Variants in MAPK8IP3 observed in about 807,000 individuals in gnomAD.
The protein encoded by MAPK8IP3 is C-Jun-amino-terminal kinase-interacting protein 3.
MAPK8IP3 carries 49 observed loss-of-function variants against 157.8 expected under a neutral mutation model. The ratio of observed to expected loss-of-function variants is 0.31; its 90% CI spans 0.25 to 0.39. MAPK8IP3 has a LOEUF of 0.39. MAPK8IP3 is among the 10% of genes least tolerant of loss of function. The probability of loss-of-function intolerance (pLI) is 1.00; values close to 1 mark genes in which losing one functional copy is unlikely to be tolerated. For synonymous variants in MAPK8IP3, 897 were observed against 777.7 expected (o/e 1.15, Z -2.55); for missense variants, 1,478 against 1,889.4 (o/e 0.78, Z 4.04).
intron 4 of MAPK8IP3, among the ~76,000 whole-genome samples, chr16:1,736,651 C>T (rs1301564459): frequency 3.2e-5 from 2 of 61,858 alleles, no homozygotes; most frequent in Non-Finnish European, 5.9e-5. Context: ...TGTGACCGTC[C>T]GTGTGAGCGT....
Position 1,760,414 on chromosome 16 carries a change from G to A in MAPK8IP3, c.1339G>A (p.Ala447Thr). ...ALNVVKNDLI[A>T]KVDQLSGEQE... ...GAATGTGGTGAAGAATGACCTGATT[G>A]CCAAGGTCGACCAGCTGTCCGGGGA... Residue 447 changes from alanine (A) to threonine (T), a missense_variant, in exon 12 of 32, where the codon GCC becomes ACC. Coordinates refer to ENST00000610761, the MANE Select transcript of MAPK8IP3 (RefSeq NM_001318852.2). 1.9e-6 allele frequency: 3 copies of A among 1,613,778 alleles called. No homozygotes were observed. The highest frequency in any genetic ancestry group is 2.5e-6 in the Non-Finnish European group (3 of 1,179,808).
rs187944990 is a variant in MAPK8IP3, at chr16:1,743,637, C to A, written c.747+161C>A. The A allele has an allele frequency of 6.9e-7, 1 of 1,443,592 alleles. No individual in the cohort carries two copies. Among genetic ancestry groups the A allele is most frequent in the African/African-American group, 1.5e-5 (1 of 68,228 alleles). The allele number at this position is 1,443,592 out of a possible 1,614,324, so 89.4% of individuals were successfully genotyped here. ...GGATGGAGAAACCCAGCCAGGGTGTCAGGGGCTCAGGCTGCCCAGCAGGCC... is the reference window on the plus strand; with the variant it reads ...GGATGGAGAAACCCAGCCAGGGTGTAAGGGGCTCAGGCTGCCCAGCAGGCC... On this transcript the variant is annotated intron_variant, in intron 5 of 31. Coordinates refer to ENST00000610761, the MANE Select transcript of MAPK8IP3 (RefSeq NM_001318852.2). The surrounding 1 kb of genome is among the most constrained non-coding windows in gnomAD (Gnocchi z 5.6).
At chr16:1,744,322 G>A in intron 5 of MAPK8IP3, 3 of 985,904 alleles carry the variant, frequency 3.0e-6, no homozygotes, top group Non-Finnish European at 2.4e-6. Flanking sequence ...GTGGATGTGG[G>A]GCCTGGGACT....
intron 4 of MAPK8IP3, among the ~76,000 whole-genome samples, chr16:1,740,052 G>C (rs2040553499): frequency 8.3e-6 from 1 of 119,866 alleles, no homozygotes; most frequent in African/African-American, 3.7e-5. Context: ...GTGAGCATCC[G>C]TGTGACTGTC....
Position 1,710,300 on chromosome 16 carries a change from T to TAAAGAAAAAAA in MAPK8IP3, c.318+3657_318+3667dup, listed in dbSNP as rs1017668464. Among the ~76,000 whole-genome samples the TAAAGAAAAAAA allele has an allele frequency of 2.0e-5, 3 of 149,706 alleles. No individual in the cohort carries two copies. The highest frequency in any genetic ancestry group is 4.4e-5 in the Non-Finnish European group (3 of 67,574). On this transcript the variant is annotated intron_variant, in intron 1 of 31. Coordinates refer to ENST00000610761, the MANE Select transcript of MAPK8IP3 (RefSeq NM_001318852.2). The surrounding 1 kb of genome is among the most constrained non-coding windows in gnomAD (Gnocchi z 4.1). ...GAACCTGGCGAAACCCTGTCTCTAC[T>TAAAGAAAAAAA]AAAGAAAAAAAAAAGAAAAAAAAAT...
At chr16:1,731,701 C>T (rs2039327748) in intron 4 of MAPK8IP3, among the ~76,000 whole-genome samples, 3 of 152,220 alleles carry the variant, frequency 2.0e-5, no homozygotes, top group Admixed American at 1.3e-4. Flanking sequence ...CCTATATTTC[C>T]AACCTCCTTT....
rs762990993 is a variant in MAPK8IP3, at chr16:1,748,323, C to G, written c.1074C>G (p.Thr358=). 52 of 1,613,662 alleles carry G rather than the reference C, an allele frequency of 3.2e-5. No homozygotes were observed. Among genetic ancestry groups the G allele is most frequent in the Non-Finnish European group, 4.0e-5 (47 of 1,179,972 alleles). The part of the protein sequence containing the change: ...STPELDMCPE[T]RLDRTGSSPT... ...CAGAGCTGGACATGTGTCCAGAGAC[C>G]CGCCTGGACCGCACAGGAAGCAGGT... Residue 358 remains threonine (T), a synonymous_variant, in exon 7 of 32, where the codon ACC becomes ACG. Coordinates refer to ENST00000610761, the MANE Select transcript of MAPK8IP3 (RefSeq NM_001318852.2).
At chr16:1,739,579 ACCGT>A (rs1167425305) in intron 4 of MAPK8IP3, among the ~76,000 whole-genome samples, 8 of 38,884 alleles carry the variant, frequency 2.1e-4, no homozygotes, top group Admixed American at 3.5e-4. Context: ...TGTGTGTGTG[ACCGT>A]CCGTGTGTGA....
At chr16:1,714,534 C>T (rs940703484) in intron 1 of MAPK8IP3, among the ~76,000 whole-genome samples, 2 of 152,296 alleles carry the variant, frequency 1.3e-5, no homozygotes, top group South Asian at 2.1e-4. Flanking sequence ...TATCAACAAC[C>T]AGATTCAAAA....
At position 1,746,824 on chromosome 16, in the gene MAPK8IP3, C is replaced by T. The variant is rs182947068; in HGVS notation, c.748-205C>T. The T allele has an allele frequency of 4.2e-3, 2,539 of 609,796 alleles. 90 individuals carry two copies. In the Admixed American group the frequency reaches 0.064, roughly 15 times the overall value. The allele number at this position is 609,796 out of a possible 1,614,324, so 37.8% of individuals were successfully genotyped here. A position where few individuals can be genotyped will look rare whatever the true frequency, so the allele number is the denominator to read the frequency against. ...GGCCCTGCTTCCGAGGAGCCGGAGT[C>T]AGTGGCCGGATAAGCAGAGCCACTC... is the stretch of plus-strand genomic sequence containing the variant. On this transcript the variant is annotated intron_variant, in intron 5 of 31. Transcript: ENST00000610761.
intron 10 of MAPK8IP3, among the ~76,000 whole-genome samples, chr16:1,759,204 C>T (rs1001478107): frequency 2.0e-5 from 3 of 152,148 alleles, no homozygotes; most frequent in Admixed American, 6.5e-5. Flanking sequence ...CTTGAAGGCC[C>T]GAGGAGGGCA....
chr16:1,738,699 G>A (rs2040303015), intron 4 of MAPK8IP3, among the ~76,000 whole-genome samples: 1 of 130,572 alleles, frequency 7.7e-6, no homozygotes, highest in East Asian at 2.6e-4. Context: ...TAGCATCCAT[G>A]TGAGCGTGTG....
At chr16:1,714,408 C>T (rs546662525) in intron 1 of MAPK8IP3, among the ~76,000 whole-genome samples, 1 of 145,976 alleles carries the variant, frequency 6.9e-6, no homozygotes, top group African/African-American at 2.8e-5. Context: ...TTTTGAGCCA[C>T]TGTTACGGCA....
In MAPK8IP3 at chr16:1,768,990, C is replaced by A; in HGVS notation, c.*166C>A. ...CCAGCGGGCAGGGAGTGCGGGGATG[C>A]GGATCAGCTGGGAGGAGGAGGGGAG... On this transcript the variant is annotated 3_prime_UTR_variant, in exon 32 of 32. Transcript: ENST00000610761. 2.6e-6 allele frequency: 2 copies of A among 757,286 alleles called. No homozygotes were observed. Among genetic ancestry groups the A allele is most frequent in the Non-Finnish European group, 4.2e-6 (2 of 474,594 alleles). The allele number at this position is 757,286 out of a possible 1,614,324, so 46.9% of individuals were successfully genotyped here.
chr16:1,764,888 A>G (rs1489277933), intron 19 of MAPK8IP3, 125 bp from the exon 20 acceptor site: 1 of 905,768 alleles, frequency 1.1e-6, no homozygotes, highest in Non-Finnish European at 1.7e-6. Flanking sequence ...GGGGGAGGAC[A>G]GCCATGTCCC....
At position 1,742,658 on chromosome 16, in the gene MAPK8IP3, G is replaced by C. The variant is rs888566860; in HGVS notation, c.603-674G>C. On this transcript the variant is annotated intron_variant, in intron 4 of 31. Transcript: ENST00000610761. The surrounding 1 kb of genome is among the most constrained non-coding windows in gnomAD (Gnocchi z 5.0). ...TGGATTCCCTCTGCTGGCGCCAGGGGAACAGGCAGGGCTGGCAGTAACACC... is the reference window on the plus strand; with the variant it reads ...TGGATTCCCTCTGCTGGCGCCAGGGCAACAGGCAGGGCTGGCAGTAACACC... 3.9e-4 allele frequency among the ~76,000 whole-genome samples: 59 copies of C among 152,166 alleles called. 1 individual carries two copies. Among genetic ancestry groups the C allele is most frequent in the African/African-American group, 1.4e-3 (56 of 41,442 alleles).
At position 1,768,819 on chromosome 16, in the gene MAPK8IP3, G is replaced by T. The variant is rs577742104; in HGVS notation, c.4009G>T (p.Glu1337Ter). The change falls in exon 32 of 32, where the codon GAG becomes TAG. Residue 1337 changes from glutamate to a stop codon, truncating the protein, a stop_gained. Transcript: ENST00000610761. LOFTEE classifies it high-confidence loss of function. ...IIVWQVSYTP[E>*] is the part of the protein sequence containing the mutation. The stretch of plus-strand genomic sequence containing the variant: ...CGTGTGGCAGGTGTCCTACACCCCC[G>T]AGTGAAGCTGCTGCCCTGCCTGGCC... 1 of 1,612,132 alleles carries T rather than the reference G, an allele frequency of 6.2e-7. No homozygotes were observed. Among genetic ancestry groups the T allele is most frequent in the East Asian group, 2.2e-5 (1 of 44,858 alleles).
chr16:1,734,944 CAG>C (rs778669406), intron 4 of MAPK8IP3: 34 of 154,696 alleles, frequency 2.2e-4, no homozygotes, highest in Non-Finnish European at 4.0e-4. Flanking sequence ...GCCACTGCTG[CAG>C]AGTGTGTGTG....
chr16:1,747,478 C>A (rs1255919758), intron 6 of MAPK8IP3, among the ~76,000 whole-genome samples: 1 of 152,174 alleles, frequency 6.6e-6, no homozygotes, highest in Admixed American at 6.5e-5. Flanking sequence ...ACACCACCTT[C>A]TCCCTGTGTC....
Sources: allele counts gnomAD v4.1 joint callset (sites outside exome capture counted in the v4.1 genomes callset), GRCh38; gene constraint gnomAD v4.1.1; non-coding constraint Gnocchi (gnomAD v3.1); transcripts MANE v1.5; gene names NCBI Gene and HGNC (gene_info 2026-07-23, HGNC 2026-07-21).